The following FAT3 variants were observed in gnomAD, a reference collection of about 807,000 sequenced individuals.
FAT3 encodes protocadherin Fat 3.
FAT3 carries 95 observed loss-of-function variants against 310.2 expected under a neutral mutation model. The observed-to-expected ratio is 0.31, with a 90% confidence interval of 0.26 to 0.36. The LOEUF is 0.36. FAT3 is among the 10% of genes least tolerant of loss of function. The pLI is 1.00. For missense variants in FAT3, 5,408 were observed against 5,715.6 expected, an observed-to-expected ratio of 0.95 and a Z score of 1.74; for synonymous variants, 2,314 against 2,192.9, an observed-to-expected ratio of 1.06 and a Z score of -1.54.
chr11:92,646,776 G>A (rs1942184772), intron 3 of FAT3, among the ~76,000 whole-genome samples: 1 of 152,148 alleles, frequency 6.6e-6, no homozygotes, highest in Non-Finnish European at 1.5e-5. Context: ...AAACACAGAT[G>A]TGCACCCAGA....
At chr11:92,867,318 A>G in intron 22 of FAT3, 109 bp downstream of exon 22, 1 of 1,134,604 alleles carries the variant, frequency 8.8e-7, no homozygotes, top group South Asian at 1.6e-5. Context: ...AGAGAGGAGT[A>G]TTCACACCCA....
At chr11:92,558,675 G>A (rs553409855) in intron 3 of FAT3, among the ~76,000 whole-genome samples, 1 of 152,084 alleles carries the variant, frequency 6.6e-6, no homozygotes, top group Non-Finnish European at 1.5e-5. Flanking sequence ...TGTTTGTGTA[G>A]TGTTTTTATA....
At chr11:92,665,691 G>T (rs1164495336) in intron 3 of FAT3, among the ~76,000 whole-genome samples, 1 of 152,104 alleles carries the variant, frequency 6.6e-6, no homozygotes, top group Non-Finnish European at 1.5e-5. Context: ...GAGGAAAATG[G>T]TCTATTTGCC....
At chr11:92,649,090 T>C (rs925288148) in intron 3 of FAT3, among the ~76,000 whole-genome samples, 4 of 152,152 alleles carry the variant, frequency 2.6e-5, no homozygotes, top group Admixed American at 1.3e-4. Flanking sequence ...TCATATTCAG[T>C]GTGTGGAAAA....
At chr11:92,502,724 C>A (rs1158950703) in intron 2 of FAT3, among the ~76,000 whole-genome samples, 1 of 152,010 alleles carries the variant, frequency 6.6e-6, no homozygotes, top group Non-Finnish European at 1.5e-5. Context: ...AAGTAGTGAG[C>A]TCAAGACTAT....
chr11:92,796,385 T>A (rs1274907672), intron 9 of FAT3, among the ~76,000 whole-genome samples: 1 of 152,196 alleles, frequency 6.6e-6, no homozygotes, highest in Non-Finnish European at 1.5e-5. Flanking sequence ...TTAGATATAC[T>A]TTGTCTTTTA....
chr11:92,248,546 C>T (rs1349133033), intron 1 of FAT3, among the ~76,000 whole-genome samples: 1 of 151,986 alleles, frequency 6.6e-6, no homozygotes. Context: ...AAAAATTTAC[C>T]CTGTACTTGC....
chr11:92,662,872 T>G (rs910548606), intron 3 of FAT3, among the ~76,000 whole-genome samples: 2 of 152,202 alleles, frequency 1.3e-5, no homozygotes, highest in African/African-American at 4.8e-5. Flanking sequence ...GTCTCTGTGC[T>G]CCCATGAGCA....
chr11:92,548,933 T>C (rs1048284867), intron 3 of FAT3, among the ~76,000 whole-genome samples: 1 of 152,224 alleles, frequency 6.6e-6, no homozygotes, highest in African/African-American at 2.4e-5. Flanking sequence ...TGGCCAACAG[T>C]GTCAACCATG....
At chr11:92,295,176 A>G (rs561478470) in intron 1 of FAT3, among the ~76,000 whole-genome samples, 1 of 152,284 alleles carries the variant, frequency 6.6e-6, no homozygotes, top group East Asian at 1.9e-4. Flanking sequence ...AAACTCTTCT[A>G]GGTGGAACTA....
At chr11:92,694,089 C>G (rs1174596576) in intron 3 of FAT3, among the ~76,000 whole-genome samples, 1 of 152,158 alleles carries the variant, frequency 6.6e-6, no homozygotes, top group African/African-American at 2.4e-5. Flanking sequence ...TTCACCTATT[C>G]AAAGGATACA....
At chr11:92,539,985 G>T (rs1954386857) in intron 3 of FAT3, among the ~76,000 whole-genome samples, 1 of 152,086 alleles carries the variant, frequency 6.6e-6, no homozygotes, top group African/African-American at 2.4e-5. Context: ...CACAATTTTT[G>T]AACAAAGGGC....
intron 13 of FAT3, among the ~76,000 whole-genome samples, chr11:92,812,672 A>G (rs1279394713): frequency 5.9e-5 from 9 of 152,206 alleles, no homozygotes; most frequent in Non-Finnish European, 1.0e-4. Flanking sequence ...TTAGAAATTT[A>G]GATTTCCAGC....
Position 92,790,084 on chromosome 11 carries a change from C to T in FAT3, c.4477C>T (p.Leu1493=). 6.2e-7 allele frequency: 1 copy of T among 1,613,850 alleles called. No individual in the cohort carries two copies. The highest frequency in any genetic ancestry group is 1.3e-5 in the African/African-American group (1 of 75,032). Residue 1493 remains leucine (L), a synonymous_variant, in exon 8 of 28, where the codon CTG becomes TTG. Transcript: ENST00000525166. ...EATDRDEKHK[L]SYTVHSSIDS... ...CACAGATAGAGATGAGAAGCACAAG[C>T]TGAGCTACACTGTTCATAGCAGCAT...
At chr11:92,541,602 G>A (rs1954449812) in intron 3 of FAT3, among the ~76,000 whole-genome samples, 1 of 152,020 alleles carries the variant, frequency 6.6e-6, no homozygotes, top group Non-Finnish European at 1.5e-5. Context: ...TTTTAAACTG[G>A]TTTACCCCAC....
At chr11:92,240,198 A>AT (rs1864618368) in intron 1 of FAT3, among the ~76,000 whole-genome samples, 1 of 152,086 alleles carries the variant, frequency 6.6e-6, no homozygotes, top group East Asian at 1.9e-4. Flanking sequence ...TTAGTTTTAC[A>AT]TTTTTTTCAT....
At chr11:92,730,035 T>A (rs912172020) in intron 4 of FAT3, among the ~76,000 whole-genome samples, 1 of 152,100 alleles carries the variant, frequency 6.6e-6, no homozygotes, top group African/African-American at 2.4e-5. Flanking sequence ...ACATAACATA[T>A]ATAAAAATTG....
intron 1 of FAT3, among the ~76,000 whole-genome samples, chr11:92,330,991 TGTGTGTGTGTGTGAGAGAGA>T (rs1270718343): frequency 1.7e-4 from 21 of 121,808 alleles, no homozygotes; most frequent in African/African-American, 8.6e-4. Context: ...TGTGTGTGTG[TGTGTGTGTGTGTGAGAGAGA>T]GAGAGAGAGA....
rs1947273336 is a variant in FAT3, at chr11:92,799,567, T to C, written c.6554T>C (p.Val2185Ala). 6.2e-7 allele frequency: 1 copy of C among 1,613,708 alleles called. No homozygotes were observed. Among genetic ancestry groups the C allele is most frequent in the African/African-American group, 1.3e-5 (1 of 74,906 alleles). Residue 2185 changes from valine (V) to alanine (A), a missense_variant, in exon 10 of 28, where the codon GTG (valine) becomes GCG (alanine). Val to Ala is a moderately conservative substitution (Grantham distance 64). Around this residue, in one of 5 missense-constraint regions of FAT3, gnomAD observed 4,588 missense variants for 4,809.8 expected, o/e 0.95. Coordinates refer to ENST00000525166, the MANE Select transcript of FAT3 (RefSeq NM_001367949.2). ...PITIVNKAMP[V>A]FDKPFYTASV... ...ACTATTGTCAACAAAGCAATGCCTG[T>C]GTTTGATAAGCCCTTTTATACAGCA...
Sources: allele counts gnomAD v4.1 joint callset (sites outside exome capture counted in the v4.1 genomes callset), GRCh38; gene constraint gnomAD v4.1.1; regional missense constraint gnomAD v4.1.1; transcripts MANE v1.5; gene names NCBI Gene and HGNC (gene_info 2026-07-23, HGNC 2026-07-21).